The following PFKP variants were observed in gnomAD, a reference collection of about 807,000 sequenced individuals.
PFKP encodes ATP-dependent 6-phosphofructokinase, platelet type.
PFKP carries 101 observed loss-of-function variants against 94.3 expected under a neutral mutation model. That is an observed-to-expected ratio of 1.07 (90% CI 0.91 to 1.26). The LOEUF is 1.26. Among genes scored for constraint, PFKP ranks in the 50% most tolerant of loss-of-function variants. The pLI, the probability that PFKP is intolerant of heterozygous loss-of-function variation, is 0.00. For missense variants in PFKP, 1,145 were observed against 1,103.3 expected, an observed-to-expected ratio of 1.04 and a Z score of -0.53; for synonymous variants, 573 against 432.6, an observed-to-expected ratio of 1.32 and a Z score of -4.03.
At chr10:3,118,636 C>T (rs549784993) in intron 14 of PFKP, 146 bp from the exon 15 acceptor site, 13 of 588,152 alleles carry the variant, frequency 2.2e-5, no homozygotes, top group Admixed American at 3.2e-5. Context: ...CCAGCCACAA[C>T]GGCATGAGTG....
intron 16 of PFKP, among the ~76,000 whole-genome samples, chr10:3,123,835 C>T (rs1238672344): frequency 6.6e-6 from 1 of 152,044 alleles, no homozygotes; most frequent in Non-Finnish European, 1.5e-5. Context: ...TGGCCAGAGC[C>T]TGCCAGGCAG....
Position 3,108,809 on chromosome 10 carries a change from T to C in PFKP, c.963+16T>C. ...CAGGATCTTGGTGAGTTGGGAAGGG[T>C]TGGGCATCTTCACAAGGTCTCTAGG... is the stretch of plus-strand genomic sequence containing the variant. On this transcript the variant is annotated intron_variant, in intron 9 of 21. Transcript: ENST00000381125. The C allele has an allele frequency of 1.9e-6, 3 of 1,553,664 alleles. No individual in the cohort carries two copies. Among genetic ancestry groups the C allele is most frequent in the South Asian group, 2.2e-5 (2 of 89,846 alleles).
At position 3,119,937 on chromosome 10, in the gene PFKP, G is replaced by A. The variant is rs560699702; in HGVS notation, c.1576G>A (p.Glu526Lys). ...LELSAAREKHEEFCVPMVMVP... is the reference protein window; with the variant it reads ...LELSAAREKHKEFCVPMVMVP... ...GCTGTCAGCCGCCCGGGAGAAGCAC[G>A]AGGAGTTCTGTGTCCCCATGGTCAT... Residue 526 changes from glutamate to lysine, a missense_variant, in exon 16 of 22, where the codon GAG becomes AAG. Coordinates refer to ENST00000381125, the MANE Select transcript of PFKP (RefSeq NM_002627.5). 9 of 1,614,132 alleles carry A rather than the reference G, an allele frequency of 5.6e-6. No individual in the cohort carries two copies. In the South Asian group the frequency reaches 6.6e-5, roughly 12 times the overall value.
chr10:3,071,009 C>G (rs1341471177), intron 1 of PFKP, among the ~76,000 whole-genome samples: 1 of 152,076 alleles, frequency 6.6e-6, no homozygotes, highest in African/African-American at 2.4e-5. Context: ...CCTTGGCCTC[C>G]CAAAGAGCTG....
intron 2 of PFKP, among the ~76,000 whole-genome samples, chr10:3,088,078 G>A (rs974136025): frequency 1.4e-5 from 2 of 138,484 alleles, no homozygotes; most frequent in African/African-American, 2.8e-5. Flanking sequence ...CATGTGCCAT[G>A]TTGGTTTGCT....
At chr10:3,085,918 T>C (rs919074786) in intron 2 of PFKP, among the ~76,000 whole-genome samples, 2 of 144,974 alleles carry the variant, frequency 1.4e-5, no homozygotes, top group African/African-American at 5.2e-5. Context: ...GAAGACCAGC[T>C]TAGTTTCCGC....
intron 4 of PFKP, among the ~76,000 whole-genome samples, chr10:3,103,338 G>A (rs1417624094): frequency 6.6e-6 from 1 of 152,160 alleles, no homozygotes; most frequent in African/African-American, 2.4e-5. Flanking sequence ...GAATCCGGTT[G>A]CCTTGAGTTC....
rs1297548906 is a variant in PFKP at position 3,103,776 on chromosome 10, C to G, written c.455-3C>G. 6.8e-6 allele frequency: 11 copies of G among 1,613,844 alleles called. No homozygotes were observed. The highest frequency in any genetic ancestry group is 9.3e-6 in the Non-Finnish European group (11 of 1,180,022). ...TGAGACGTGCTGTTTGCTCCCCGCG[C>G]AGGCCAGATCGATAAGGAGGCCGTG... On this transcript the variant is annotated splice_region_variant and splice_polypyrimidine_tract_variant and intron_variant, in intron 4 of 21. Transcript: ENST00000381125.
chr10:3,075,503 C>T (rs187433720), intron 1 of PFKP, among the ~76,000 whole-genome samples: 52 of 150,260 alleles, frequency 3.5e-4, no homozygotes, highest in Non-Finnish European at 5.0e-4. Context: ...GTTTCTCCAA[C>T]GGGAGAATCT....
Position 3,129,851 on chromosome 10 carries a change from A to G in PFKP, c.1716A>G (p.Gly572=). 1 of 1,613,632 alleles carries G rather than the reference A, an allele frequency of 6.2e-7. No individual in the cohort carries two copies. Among genetic ancestry groups the G allele is most frequent in the Non-Finnish European group, 8.5e-7 (1 of 1,179,990 alleles). ...ACCGCATCAAGCAGTCCGCCAGCGG[A>G]ACCAAGCGGCGCGTGTTCATCATCG... is the stretch of plus-strand genomic sequence containing the variant. ...TCDRIKQSAS[G]TKRRVFIIET... The change falls in exon 17 of 22, where the codon GGA becomes GGG. Residue 572 remains glycine (G), a synonymous_variant. Coordinates refer to ENST00000381125, the MANE Select transcript of PFKP (RefSeq NM_002627.5).
intron 21 of PFKP, 48 bp downstream of exon 21, chr10:3,135,886 G>C (rs752179451): frequency 5.5e-6 from 6 of 1,093,158 alleles, no homozygotes; most frequent in African/African-American, 3.1e-5. Flanking sequence ...ATGTGAGTAC[G>C]GGACAGGGGA....
chr10:3,099,495 G>A (rs1287376685), intron 3 of PFKP, 143 bp downstream of exon 3: 2 of 684,760 alleles, frequency 2.9e-6, no homozygotes, highest in African/African-American at 3.6e-5. Context: ...CTCTTTACTT[G>A]TGGTTTGATT....
Position 3,114,748 on chromosome 10 carries a change from G to A in PFKP, c.1371+1230G>A, listed in dbSNP as rs1013439324. 9.2e-5 allele frequency among the ~76,000 whole-genome samples: 14 copies of A among 152,346 alleles called. No homozygotes were observed. The East Asian group carries it at 1.9e-3, about 21-fold the overall frequency. On this transcript the variant is annotated intron_variant, in intron 13 of 21. Coordinates refer to ENST00000381125, the MANE Select transcript of PFKP (RefSeq NM_002627.5). ...CTCTGGAGCTGATGCTCACAGGGGC[G>A]GGGGCTCCAAGCCCGCACAGGGCAG...
chr10:3,126,698 C>T (rs915534398), intron 16 of PFKP, among the ~76,000 whole-genome samples: 9 of 152,262 alleles, frequency 5.9e-5, no homozygotes, highest in African/African-American at 1.4e-4. Context: ...CTTTTTTCTA[C>T]GTTAATGCTG....
At chr10:3,128,603 G>GGCCTTGCAC (rs879568197) in intron 16 of PFKP, among the ~76,000 whole-genome samples, 13 of 152,128 alleles carry the variant, frequency 8.5e-5, no homozygotes, top group Non-Finnish European at 7.4e-5. Flanking sequence ...CAGAGTTGCG[G>GGCCTTGCAC]GCCTTGCACG....
In PFKP at chr10:3,109,550, C is replaced by T. The variant is rs372953877; in HGVS notation, c.1089+70C>T. On this transcript the variant is annotated intron_variant, in intron 10 of 21. Transcript: ENST00000381125. The stretch of plus-strand genomic sequence containing the variant: ...GACAGAAGCTGCTTGTCAGGCCAGC[C>T]TGGGCACCTTGGGTGTCTCGTCGGT... 15 of 1,561,266 alleles carry T rather than the reference C, an allele frequency of 9.6e-6. No individual in the cohort carries two copies. The East Asian group carries it at 3.4e-4, about 36-fold the overall frequency.
chr10:3,105,558 C>T, intron 7 of PFKP, 57 bp downstream of exon 7: 2 of 1,248,468 alleles, frequency 1.6e-6, no homozygotes, highest in South Asian at 2.4e-5. Flanking sequence ...TTGCTTTAAT[C>T]AGGATCCCAA....
rs191825656 is a variant in PFKP at position 3,118,334 on chromosome 10, G to A, written c.1443-448G>A. Among the ~76,000 whole-genome samples the A allele has an allele frequency of 1.4e-4, 22 of 152,230 alleles. No individual in the cohort carries two copies. The East Asian group carries it at 4.1e-3, about 28-fold the overall frequency. ...ATGCAAAAAATTAGCCGGGCGTGGT[G>A]GCGGGCGCCTGTAGTCCCAGCTACT... On this transcript the variant is annotated intron_variant, in intron 14 of 21. Transcript: ENST00000381125.
At chr10:3,111,446 G>A (rs547895540) in intron 10 of PFKP, among the ~76,000 whole-genome samples, 3 of 152,230 alleles carry the variant, frequency 2.0e-5, no homozygotes, top group Non-Finnish European at 4.4e-5. Flanking sequence ...TTGAGCCTGT[G>A]TCTCATGTCT....
Sources: gnomAD v4.1 joint callset for allele counts (sites outside exome capture counted in the v4.1 genomes callset) on GRCh38, gnomAD v4.1.1 for gene constraint, MANE v1.5 for transcripts, NCBI Gene and HGNC (gene_info 2026-07-23, HGNC 2026-07-21) for gene names.